OSBPL10: variants seen among roughly 807,000 people sequenced by gnomAD.
OSBPL10 encodes the protein oxysterol binding protein like 10.
A neutral mutation model predicts 81.7 loss-of-function variants in OSBPL10; 49 were observed. The ratio of observed to expected loss-of-function variants is 0.60; its 90% confidence interval spans 0.48 to 0.76. The LOEUF (loss-of-function observed/expected upper bound fraction) is 0.76. Ranked by LOEUF, OSBPL10 falls within the 30% of genes least tolerant of loss-of-function variation. The probability of loss-of-function intolerance (pLI) is 0.00; values close to 1 mark genes in which losing one functional copy is unlikely to be tolerated. For synonymous variants in OSBPL10, 419 were observed against 383.6 expected (o/e 1.09, Z -1.08); for missense variants, 923 against 987.8 (o/e 0.93, Z 0.88).
At chr3:31,866,715 G>A (rs1273769542) in intron 3 of OSBPL10, among the ~76,000 whole-genome samples, 1 of 152,146 alleles carries the variant, frequency 6.6e-6, no homozygotes, top group African/African-American at 2.4e-5. Context: ...GGGTGAGGAA[G>A]AGCTGCCTCA....
At chr3:31,962,332 A>G (rs576322615) in intron 1 of OSBPL10, among the ~76,000 whole-genome samples, 1 of 152,342 alleles carries the variant, frequency 6.6e-6, no homozygotes, top group Non-Finnish European at 1.5e-5. Flanking sequence ...TGTTGAATAA[A>G]TGATTTTCTA....
intron 3 of OSBPL10, among the ~76,000 whole-genome samples, chr3:31,845,622 G>C (rs963159608): frequency 7.2e-5 from 11 of 152,136 alleles, no homozygotes; most frequent in African/African-American, 2.7e-4. Flanking sequence ...GTAAGAAGCG[G>C]TTCTGTGTCA....
chr3:31,739,935 T>G (rs1697289151), intron 5 of OSBPL10, among the ~76,000 whole-genome samples: 1 of 152,232 alleles, frequency 6.6e-6, no homozygotes, highest in Non-Finnish European at 1.5e-5. Context: ...GAACTTCATC[T>G]TTTTATCTTA....
chr3:31,823,092 C>G (rs1442514858), intron 4 of OSBPL10, among the ~76,000 whole-genome samples: 1 of 151,688 alleles, frequency 6.6e-6, no homozygotes, highest in Non-Finnish European at 1.5e-5. Flanking sequence ...ATCACTTTTC[C>G]CCATGGTCAC....
intron 1 of OSBPL10, among the ~76,000 whole-genome samples, chr3:31,914,658 T>G (rs11921263): frequency 0.39 from 58,910 of 152,040 alleles, 11,657 homozygotes; most frequent in African/African-American, 0.47. Flanking sequence ...AAATGAGGTG[T>G]TCTAAATATG....
rs1249077015 is a variant in OSBPL10 at position 31,661,168 on chromosome 3, G to A, written c.*904C>T. The stretch of plus-strand genomic sequence containing the variant: ...TTGGGTTAACCAGAGAGGTGCACTT[G>A]AGGAAAAAATAATCCACAGGAAATT... On this transcript the variant is annotated 3_prime_UTR_variant, in exon 12 of 12. Transcript: ENST00000396556. 4 of 152,610 alleles carry A rather than the reference G, an allele frequency of 2.6e-5. No individual in the cohort carries two copies. The highest frequency in any genetic ancestry group is 7.2e-5 in the African/African-American group (3 of 41,450). 9.5% of individuals were successfully genotyped at this position (152,610 alleles called of 1,614,324 possible).
chr3:31,834,007 C>T (rs992799894), intron 3 of OSBPL10, among the ~76,000 whole-genome samples: 3 of 152,198 alleles, frequency 2.0e-5, no homozygotes, highest in Admixed American at 2.0e-4. Flanking sequence ...GTGTAATTCA[C>T]ATCCATGCCT....
intron 2 of OSBPL10, among the ~76,000 whole-genome samples, chr3:32,022,850 C>T (rs1349737321): frequency 1.3e-5 from 2 of 152,010 alleles, no homozygotes; most frequent in South Asian, 2.1e-4. Flanking sequence ...CAGAAAAGAA[C>T]GTTAATTCTG....
intron 3 of OSBPL10, among the ~76,000 whole-genome samples, chr3:31,835,535 G>C (rs979571172): frequency 6.6e-6 from 1 of 152,190 alleles, no homozygotes; most frequent in Admixed American, 6.5e-5. Context: ...AAAAATTTCT[G>C]AGCGTCCACT....
chr3:31,923,773 C>T (rs1449320503), intron 1 of OSBPL10, among the ~76,000 whole-genome samples: 10 of 152,016 alleles, frequency 6.6e-5, no homozygotes, highest in African/African-American at 1.4e-4. Context: ...AATGACAGAG[C>T]GAGATCCTGT....
At position 31,705,878 on chromosome 3, in the gene OSBPL10, C is replaced by T. The variant is rs541891788; in HGVS notation, c.1096-3370G>A. Reference sequence around the variant, plus strand: ...CTCTGAAAAATATGAATGTGAGAAACGGTTTCATACTGCTGAGAGAATTTA... The same window carrying T: ...CTCTGAAAAATATGAATGTGAGAAATGGTTTCATACTGCTGAGAGAATTTA... On this transcript the variant is annotated intron_variant, in intron 6 of 11. Coordinates refer to ENST00000396556, the MANE Select transcript of OSBPL10 (RefSeq NM_017784.5). 8.5e-5 allele frequency among the ~76,000 whole-genome samples: 13 copies of T among 152,172 alleles called. No individual in the cohort carries two copies. In the South Asian group the frequency reaches 2.5e-3, roughly 29 times the overall value.
At chr3:31,676,089 A>C (rs1226950540) in intron 8 of OSBPL10, among the ~76,000 whole-genome samples, 1 of 151,620 alleles carries the variant, frequency 6.6e-6, no homozygotes, top group African/African-American at 2.4e-5. Context: ...CTTCAGAAAA[A>C]TCTCTTCCAA....
intron 1 of OSBPL10, among the ~76,000 whole-genome samples, chr3:31,977,879 C>T (rs1412692124): frequency 6.6e-6 from 1 of 152,204 alleles, no homozygotes; most frequent in African/African-American, 2.4e-5. Context: ...ATTTCACATT[C>T]TCATCCAGTG....
chr3:31,901,727 G>A (rs776842005), intron 1 of OSBPL10, among the ~76,000 whole-genome samples: 6 of 152,134 alleles, frequency 3.9e-5, no homozygotes, highest in East Asian at 1.9e-4. Context: ...CTGGCTGCTC[G>A]GTATCTAGCA....
chr3:31,987,948 A>G (rs1283953277), intron 2 of OSBPL10, among the ~76,000 whole-genome samples: 2 of 152,222 alleles, frequency 1.3e-5, no homozygotes, highest in African/African-American at 2.4e-5. Flanking sequence ...TGGAGCAAAC[A>G]CATATTGCCT....
chr3:32,043,302 C>T (rs1475657643), intron 2 of OSBPL10, among the ~76,000 whole-genome samples: 2 of 152,180 alleles, frequency 1.3e-5, no homozygotes, highest in African/African-American at 2.4e-5. Flanking sequence ...TTTTGCCCGA[C>T]CCTGCAGGCA....
intron 3 of OSBPL10, among the ~76,000 whole-genome samples, chr3:31,871,913 G>A (rs1701338216): frequency 6.6e-6 from 1 of 152,110 alleles, no homozygotes; most frequent in African/African-American, 2.4e-5. Context: ...ATTCACTCTT[G>A]CATTTCTTGC....
At position 31,662,080 on chromosome 3, in the gene OSBPL10, C is replaced by T. The variant is rs777372625; in HGVS notation, c.2287G>A (p.Ala763Thr). 1 of 1,613,862 alleles carries T rather than the reference C, an allele frequency of 6.2e-7. No homozygotes were observed. Among genetic ancestry groups the T allele is most frequent in the African/African-American group, 1.3e-5 (1 of 74,910 alleles). Residue 763 changes from alanine to threonine, a missense_variant, in exon 12 of 12, where the codon GCA (alanine) becomes ACA (threonine). Transcript: ENST00000396556. ...TCTGCACCTCCACCCCATCAGTGTG[C>T]TTTCCAGAGGGGATTGAAGTATACC... ...GWVYFNPLWK[A>T]H
At chr3:31,798,092 A>G (rs1228374347) in intron 4 of OSBPL10, among the ~76,000 whole-genome samples, 1 of 152,216 alleles carries the variant, frequency 6.6e-6, no homozygotes, top group Non-Finnish European at 1.5e-5. Flanking sequence ...TACTGGGCAC[A>G]TTTAACATAG....
Sources: gnomAD v4.1 joint callset for allele counts (sites outside exome capture counted in the v4.1 genomes callset) on GRCh38, gnomAD v4.1.1 for gene constraint, MANE v1.5 for transcripts, NCBI Gene and HGNC (gene_info 2026-07-23, HGNC 2026-07-21) for gene names.